The following MYO16 variants were observed in gnomAD, a reference collection of about 807,000 sequenced individuals.
The protein encoded by MYO16 is unconventional myosin-XVI.
MYO16 carries 94 observed loss-of-function variants against 205.3 expected under a neutral mutation model. That is an observed-to-expected ratio of 0.46 (90% CI 0.39 to 0.54). MYO16 has a LOEUF of 0.54. MYO16 is among the 20% of genes least tolerant of loss of function. MYO16 has a pLI of 0.00. For missense variants in MYO16, 2,315 were observed against 2,387.5 expected (o/e 0.97, Z 0.63); for synonymous variants, 988 against 954.0 (o/e 1.04, Z -0.66).
intron 23 of MYO16, among the ~76,000 whole-genome samples, chr13:109,036,339 T>G (rs558794296): frequency 6.6e-6 from 1 of 152,366 alleles, no homozygotes; most frequent in South Asian, 2.1e-4. Flanking sequence ...TGGCACTTTG[T>G]AACTTTTGTT....
chr13:108,992,397 A>G lies in MYO16; in HGVS notation c.2391A>G (p.Gly797=), dbSNP rs754004368. 1 of 1,610,084 alleles carries G rather than the reference A, an allele frequency of 6.2e-7. No homozygotes were observed. Among genetic ancestry groups the G allele is most frequent in the Admixed American group, 1.7e-5 (1 of 59,840 alleles). The part of the protein sequence containing the change: ...EQKSMQTLDI[G]ILDIFGFEEF... ...TCAGCATGCAGACATTGGATATTGG[A>G]ATATTGGACATTTTTGGTTTTGAAG... is the stretch of plus-strand genomic sequence containing the variant. The change falls in exon 21 of 35, where the codon GGA becomes GGG. Residue 797 remains glycine, a synonymous_variant. Transcript: ENST00000457511.
intron 6 of MYO16, among the ~76,000 whole-genome samples, chr13:108,800,882 G>C (rs1215813820): frequency 6.6e-6 from 1 of 151,858 alleles, no homozygotes; most frequent in South Asian, 2.1e-4. Context: ...AAATACAAGG[G>C]TAAGATAATT....
intron 28 of MYO16, among the ~76,000 whole-genome samples, chr13:109,104,935 A>G (rs1889075915): frequency 6.6e-6 from 1 of 151,742 alleles, no homozygotes; most frequent in Non-Finnish European, 1.5e-5. Flanking sequence ...GGTGCCTGGG[A>G]CCTTCTGTTA....
the MYO16 span, among the ~76,000 whole-genome samples, chr13:108,567,816 GA>G: frequency 6.6e-6 from 1 of 151,958 alleles, no homozygotes; most frequent in Non-Finnish European, 1.5e-5. Flanking sequence ...CCACCCCCCT[GA>G]AAAAACTCTC....
chr13:108,501,557 A>AT, the MYO16 span, among the ~76,000 whole-genome samples: 4 of 152,166 alleles, frequency 2.6e-5, no homozygotes, highest in African/African-American at 9.7e-5. Context: ...AGGTCTGATT[A>AT]TTTTCCCTGT....
intron 28 of MYO16, among the ~76,000 whole-genome samples, chr13:109,120,044 G>A (rs1875913217): frequency 6.6e-6 from 1 of 152,174 alleles, no homozygotes. Context: ...TCTAGAATGG[G>A]AGAATCCATT....
chr13:108,738,576 A>G (rs1023257111), intron 4 of MYO16, among the ~76,000 whole-genome samples: 2 of 152,172 alleles, frequency 1.3e-5, no homozygotes, highest in South Asian at 4.1e-4. Flanking sequence ...CAATTTTGGA[A>G]TAAGTCTGAT....
At chr13:108,585,202 T>G in the MYO16 span, among the ~76,000 whole-genome samples, 1 of 152,184 alleles carries the variant, frequency 6.6e-6, no homozygotes, top group Non-Finnish European at 1.5e-5. Context: ...CCTGAGAACA[T>G]GCACCCAAGG....
chr13:108,920,378 TTCTCTC>T (rs905748683), intron 16 of MYO16, among the ~76,000 whole-genome samples: 1 of 151,370 alleles, frequency 6.6e-6, no homozygotes, highest in Non-Finnish European at 1.5e-5. Context: ...CTTTCTTTCC[TTCTCTC>T]TCTCTCCTTC....
At chr13:108,916,542 C>A (rs887160538) in intron 16 of MYO16, among the ~76,000 whole-genome samples, 2 of 152,176 alleles carry the variant, frequency 1.3e-5, no homozygotes, top group Non-Finnish European at 2.9e-5. Context: ...TAACTTACGA[C>A]GTTCTAGGGA....
intron 1 of MYO16, among the ~76,000 whole-genome samples, chr13:108,604,754 C>T (rs1878888442): frequency 6.6e-6 from 1 of 152,114 alleles, no homozygotes; most frequent in Non-Finnish European, 1.5e-5. Flanking sequence ...TTTAAATAAG[C>T]ACTTACCAAC....
chr13:109,164,457 A>G (rs767936551), intron 32 of MYO16, among the ~76,000 whole-genome samples: 25 of 152,228 alleles, frequency 1.6e-4, no homozygotes, highest in Non-Finnish European at 3.2e-4. Flanking sequence ...CATGGACACT[A>G]AAAGTGTTTA....
the MYO16 span, among the ~76,000 whole-genome samples, chr13:108,554,870 A>G: frequency 0.048 from 7,217 of 150,608 alleles, 554 homozygotes; most frequent in African/African-American, 0.16. Context: ...AAAAAAAAAA[A>G]AAAGAAAGAA....
chr13:109,152,608 C>G (rs1318397759), intron 32 of MYO16, among the ~76,000 whole-genome samples: 1 of 152,112 alleles, frequency 6.6e-6, no homozygotes, highest in South Asian at 2.1e-4. Flanking sequence ...TTAAAACACC[C>G]GGTGATGTGG....
At chr13:108,669,364 T>A (rs1300625255) in intron 2 of MYO16, among the ~76,000 whole-genome samples, 3 of 152,148 alleles carry the variant, frequency 2.0e-5, no homozygotes, top group Non-Finnish European at 4.4e-5. Context: ...GCAAGAATTT[T>A]AATGGATTAG....
At position 109,055,697 on chromosome 13, in the gene MYO16, C is replaced by T; in HGVS notation, c.3335+102C>T. On this transcript the variant is annotated intron_variant, in intron 27 of 34. Coordinates refer to ENST00000457511, the MANE Select transcript of MYO16 (RefSeq NM_001198950.3). This position sits in a 1 kb window ranked among gnomAD's most constrained non-coding sequence, Gnocchi z 5.0. ...AAGGGTCTTCTGTTGTCTTTTTTGG[C>T]ACTGCTTTTGTTGTTTACTTTTTTC... is the stretch of plus-strand genomic sequence containing the variant. 9.5e-7 allele frequency: 1 copy of T among 1,054,728 alleles called. No homozygotes were observed. Among genetic ancestry groups the T allele is most frequent in the Non-Finnish European group, 1.4e-6 (1 of 714,990 alleles). The allele number at this position is 1,054,728 out of a possible 1,614,324, so 65.3% of individuals were successfully genotyped here.
chr13:109,022,605 CGCATATAAACATAT>C lies in MYO16; in HGVS notation c.2796+2696_2796+2709del, dbSNP rs552340074. Among the ~76,000 whole-genome samples, 1,313 of 132,944 alleles carry C rather than the reference CGCATATAAACATAT, an allele frequency of 9.9e-3. 28 individuals are homozygous for C. Among genetic ancestry groups the C allele is most frequent in the Non-Finnish European group, 0.016 (1,013 of 65,152 alleles). 87.2% of individuals were successfully genotyped at this position (132,944 alleles called of 152,430 possible). ...TGTATATATTTCTATATTCTATATA[CGCATATAAACATAT>C]GTATATATATTATATATATGCATAT... On this transcript the variant is annotated intron_variant, in intron 23 of 34. Coordinates refer to ENST00000457511, the MANE Select transcript of MYO16 (RefSeq NM_001198950.3).
chr13:109,143,137 C>G (rs1270771490), intron 32 of MYO16, among the ~76,000 whole-genome samples: 1 of 152,030 alleles, frequency 6.6e-6, no homozygotes, highest in Non-Finnish European at 1.5e-5. Context: ...TGTAGTAACA[C>G]TTTATGCATG....
intron 9 of MYO16, among the ~76,000 whole-genome samples, chr13:108,839,923 A>G (rs1002828700): frequency 2.0e-5 from 3 of 152,246 alleles, no homozygotes; most frequent in Non-Finnish European, 4.4e-5. Context: ...TGACAGTTCT[A>G]GACACATAAA....
Sources: allele counts gnomAD v4.1 joint callset (sites outside exome capture counted in the v4.1 genomes callset), GRCh38; gene constraint gnomAD v4.1.1; non-coding constraint Gnocchi (gnomAD v3.1); transcripts MANE v1.5; gene names NCBI Gene and HGNC (gene_info 2026-07-23, HGNC 2026-07-21).